DAB2IP: variants seen among roughly 807,000 people sequenced by gnomAD.
The protein encoded by DAB2IP is disabled homolog 2-interacting protein.
DAB2IP carries 28 observed loss-of-function variants against 107.2 expected under a neutral mutation model. That is an observed-to-expected ratio of 0.26 (90% CI 0.19 to 0.36). The LOEUF (loss-of-function observed/expected upper bound fraction) is 0.36, where lower values mean the gene tolerates loss of function less well. DAB2IP is among the 10% of genes least tolerant of loss of function. The probability of loss-of-function intolerance (pLI) is 1.00; values close to 1 mark genes in which losing one functional copy is unlikely to be tolerated. For missense variants in DAB2IP, 1,400 were observed against 1,644.7 expected, an observed-to-expected ratio of 0.85 and a Z score of 2.57; for synonymous variants, 755 against 706.4, an observed-to-expected ratio of 1.07 and a Z score of -1.09.
chr9:121,681,172 C>T (rs1259479478), intron 2 of DAB2IP, among the ~76,000 whole-genome samples: 4 of 152,048 alleles, frequency 2.6e-5, no homozygotes, highest in African/African-American at 2.4e-5. Flanking sequence ...TACTAAGTGG[C>T]GGAACCAAGA....
chr9:121,666,350 G>T (rs1833422304), intron 1 of DAB2IP, among the ~76,000 whole-genome samples: 6 of 152,226 alleles, frequency 3.9e-5, no homozygotes, highest in Admixed American at 3.9e-4. Context: ...CATATCACAG[G>T]TTCTAGGGAT....
At chr9:121,768,603 G>T (rs1834472152) in exon 10 of DAB2IP, 1 of 1,614,032 alleles carries the variant, frequency 6.2e-7, no homozygotes, top group African/African-American at 1.3e-5. Flanking sequence ...TGCACTCACT[G>T]CTCTGGGAGG....
chr9:121,684,531 C>T lies in DAB2IP; in HGVS notation c.228+5750C>T, dbSNP rs1016471600. 4.6e-5 allele frequency among the ~76,000 whole-genome samples: 7 copies of T among 152,224 alleles called. No individual in the cohort carries two copies. Among genetic ancestry groups the T allele is most frequent in the Non-Finnish European group, 1.0e-4 (7 of 68,040 alleles). ...AGCCCCACGACAGCTCCTTCCCGCTCATCTGCACACTGCCCCCTCCTGGCC... is the reference window on the plus strand; with the variant it reads ...AGCCCCACGACAGCTCCTTCCCGCTTATCTGCACACTGCCCCCTCCTGGCC... On this transcript the variant is annotated intron_variant, in intron 2 of 15. Transcript: ENST00000408936. This position sits in a 1 kb window ranked among gnomAD's most constrained non-coding sequence, Gnocchi z 4.0.
intron 3 of DAB2IP, among the ~76,000 whole-genome samples, chr9:121,708,811 T>G (rs1408505450): frequency 6.6e-6 from 1 of 152,182 alleles, no homozygotes; most frequent in African/African-American, 2.4e-5. Context: ...TACCCTTGGC[T>G]CCCGCCTGAG....
chr9:121,674,977 C>G (rs1286943713), intron 1 of DAB2IP, among the ~76,000 whole-genome samples: 3 of 152,012 alleles, frequency 2.0e-5, no homozygotes, highest in African/African-American at 7.2e-5. Context: ...TCCCAAGACC[C>G]CTGTGGGGCA....
chr9:121,764,591 C>T (rs1834131511), intron 8 of DAB2IP, among the ~76,000 whole-genome samples: 1 of 152,164 alleles, frequency 6.6e-6, no homozygotes, highest in South Asian at 2.1e-4. Context: ...TGCGGGAGGG[C>T]CTTGCTGTCA....
At position 121,698,029 on chromosome 9, in the gene DAB2IP, G is replaced by A. The variant is rs1010354677; in HGVS notation, c.229-1296G>A. ...TACAGCCCATGTTTGACCTTGTCAT[G>A]TTGAAGATGGACAGATACAGCCCAG... On this transcript the variant is annotated intron_variant, in intron 2 of 15. Coordinates refer to ENST00000408936, the Ensembl canonical transcript of DAB2IP. The surrounding 1 kb of genome is among the most constrained non-coding windows in gnomAD (Gnocchi z 4.1). 1.3e-5 allele frequency among the ~76,000 whole-genome samples: 2 copies of A among 152,210 alleles called. No individual in the cohort carries two copies. Among genetic ancestry groups the A allele is most frequent in the Non-Finnish European group, 2.9e-5 (2 of 68,032 alleles).
chr9:121,652,018 C>A (rs951100494), intron 1 of DAB2IP, 119 bp downstream of exon 1: 2 of 920,320 alleles, frequency 2.2e-6, no homozygotes, highest in South Asian at 9.4e-5. Flanking sequence ...GTTTCCTCAT[C>A]CGCCCCTTCC....
chr9:121,737,642 C>T (rs144253871), intron 3 of DAB2IP: 23,858 of 985,444 alleles, frequency 0.024, 364 homozygotes, highest in Non-Finnish European at 0.027. Flanking sequence ...GAAGCCAGAT[C>T]TGGCTCCAGA....
Position 121,635,525 on chromosome 9 carries a change from G to C in DAB2IP, c.41-43153G>C, listed in dbSNP as rs193208715. 6.6e-6 allele frequency among the ~76,000 whole-genome samples: 1 copy of C among 152,032 alleles called. No homozygotes were observed. Among genetic ancestry groups the C allele is most frequent in the Non-Finnish European group, 1.5e-5 (1 of 67,970 alleles). ...CGTGCAGGGCCTGGGCATGGAAACG[G>C]AGTGAAGGAGGCACTGGCTTTGCTG... On this transcript the variant is annotated intron_variant, in intron 1 of 16. Coordinates refer to the DAB2IP transcript ENST00000259371. The surrounding 1 kb of genome is among the most constrained non-coding windows in gnomAD (Gnocchi z 4.3).
chr9:121,700,515 A>G (rs1412322306), intron 3 of DAB2IP, among the ~76,000 whole-genome samples: 1 of 152,114 alleles, frequency 6.6e-6, no homozygotes, highest in Non-Finnish European at 1.5e-5. Context: ...AACGTCTCAG[A>G]CCACTGGCAT....
chr9:121,768,071 T>C (rs891705948), intron 9 of DAB2IP, among the ~76,000 whole-genome samples: 3 of 151,964 alleles, frequency 2.0e-5, no homozygotes, highest in Middle Eastern at 3.2e-3. Context: ...CCTGCAGATA[T>C]ATTAATACAT....
chr9:121,584,654 G>A (rs968221956), intron 1 of DAB2IP, among the ~76,000 whole-genome samples: 2 of 152,162 alleles, frequency 1.3e-5, no homozygotes, highest in Non-Finnish European at 2.9e-5. Flanking sequence ...CTGAAAGTAG[G>A]TTTTGTTGGG....
chr9:121,724,217 G>A (rs1381008107), intron 3 of DAB2IP, among the ~76,000 whole-genome samples: 1 of 151,994 alleles, frequency 6.6e-6, no homozygotes, highest in Non-Finnish European at 1.5e-5. Flanking sequence ...CACTTGTTAT[G>A]ACTCAGGTTC....
In DAB2IP at chr9:121,567,985, C is replaced by T. The variant is rs753232877; in HGVS notation, c.40+757C>T. Among the ~76,000 whole-genome samples, 11 of 151,406 alleles carry T rather than the reference C, an allele frequency of 7.3e-5. No homozygotes were observed. The South Asian group carries it at 8.4e-4, about 12-fold the overall frequency. ...GGACGCAAGAGTGCAAGAGTGTGGC[C>T]GAGGCACCGAGGCTGGGCATGGGGG... On this transcript the variant is annotated intron_variant, in intron 1 of 16. Coordinates refer to the DAB2IP transcript ENST00000259371.
intron 1 of DAB2IP, among the ~76,000 whole-genome samples, chr9:121,581,816 C>T (rs551599660): frequency 3.9e-5 from 6 of 152,310 alleles, no homozygotes; most frequent in African/African-American, 1.4e-4. Context: ...GGGAGAGATT[C>T]GAGCAGAGGA....
Position 121,755,877 on chromosome 9 carries a change from G to A in DAB2IP, c.363-1136G>A, listed in dbSNP as rs116745928. Among the ~76,000 whole-genome samples, 1,469 of 152,304 alleles carry A rather than the reference G, an allele frequency of 9.6e-3. 22 individuals carry two copies. Among genetic ancestry groups the A allele is most frequent in the African/African-American group, 0.033 (1,368 of 41,552 alleles). On this transcript the variant is annotated intron_variant, in intron 3 of 15. Transcript: ENST00000408936. Reference sequence around the variant, plus strand: ...GGGACCAAGCCTCAGCATAGCCCAAGGTAGGGGTCTTGGTTTGGCGAGGCA... The same window carrying A: ...GGGACCAAGCCTCAGCATAGCCCAAAGTAGGGGTCTTGGTTTGGCGAGGCA...
chr9:121,675,839 G>C (rs1448995206), intron 1 of DAB2IP, among the ~76,000 whole-genome samples: 1 of 152,204 alleles, frequency 6.6e-6, no homozygotes, highest in Non-Finnish European at 1.5e-5. Flanking sequence ...AGGACAGGAG[G>C]GTGCTCCAGG....
At chr9:121,704,208 A>G (rs1829939856) in intron 3 of DAB2IP, among the ~76,000 whole-genome samples, 1 of 152,160 alleles carries the variant, frequency 6.6e-6, no homozygotes, top group South Asian at 2.1e-4. Flanking sequence ...ACTAGGTCTA[A>G]AAATATGAAG....
Sources: gnomAD v4.1 joint callset for allele counts (sites outside exome capture counted in the v4.1 genomes callset) on GRCh38, gnomAD v4.1.1 for gene constraint, Gnocchi (gnomAD v3.1) non-coding constraint, MANE v1.5 for transcripts, NCBI Gene and HGNC (gene_info 2026-07-23, HGNC 2026-07-21) for gene names.